The following EPOR variants were observed in gnomAD, a reference collection of about 807,000 sequenced individuals.
EPOR encodes erythropoietin receptor.
In EPOR, 20 loss-of-function variants were observed where a neutral mutation model predicts 34.3. The ratio of observed to expected loss-of-function variants is 0.58; its 90% CI spans 0.41 to 0.85. EPOR has a LOEUF of 0.85. Ranked by LOEUF, EPOR falls within the 40% of genes least tolerant of loss-of-function variation. The probability of loss-of-function intolerance (pLI) is 0.00; values close to 1 mark genes in which losing one functional copy is unlikely to be tolerated. For missense variants in EPOR, 601 were observed against 672.7 expected (o/e 0.89, Z 1.18); for synonymous variants, 312 against 299.0 (o/e 1.04, Z -0.45).
Position 11,383,251 on chromosome 19 carries a change from G to A in EPOR, c.116-19C>T. 6 of 1,579,196 alleles carry A rather than the reference G, an allele frequency of 3.8e-6. No individual in the cohort carries two copies. Among genetic ancestry groups the A allele is most frequent in the South Asian group, 2.3e-5 (2 of 87,290 alleles). ...AAGGCCGCTGGGGAGGGGCGACAAA[G>A]GAAGGGCATGGGGGTCTGAGCTCTA... On this transcript the variant is annotated intron_variant, in intron 1 of 7. Transcript: ENST00000222139. This position sits in a 1 kb window ranked among gnomAD's most constrained non-coding sequence, Gnocchi z 4.9.
Position 11,378,844 on chromosome 19 carries a change from A to G in EPOR, c.828-66T>C. ...TTGAATACTCACCAATTCCCCCTCCACTCCCAGTCATAGAGGCACAGATAC... is the reference window on the plus strand; with the variant it reads ...TTGAATACTCACCAATTCCCCCTCCGCTCCCAGTCATAGAGGCACAGATAC... On this transcript the variant is annotated intron_variant, in intron 6 of 7. Coordinates refer to ENST00000222139, the MANE Select transcript of EPOR (RefSeq NM_000121.4). The surrounding 1 kb of genome is among the most constrained non-coding windows in gnomAD (Gnocchi z 5.3). 6.8e-7 allele frequency: 1 copy of G among 1,474,982 alleles called. No homozygotes were observed. Among genetic ancestry groups the G allele is most frequent in the South Asian group, 1.1e-5 (1 of 87,336 alleles). The allele number at this position is 1,474,982 out of a possible 1,614,324, so 91.4% of individuals were successfully genotyped here.
At chr19:11,382,361 CTTT>C (rs869111819) in intron 2 of EPOR, among the ~76,000 whole-genome samples, 4 of 124,884 alleles carry the variant, frequency 3.2e-5, no homozygotes, top group Non-Finnish European at 3.3e-5. Flanking sequence ...CCACGCCTGG[CTTT>C]TTTTTTTTTT....
rs926770192 is a variant in EPOR at position 11,381,049 on chromosome 19, G to T, written c.739+7C>A. 4 of 1,597,280 alleles carry T rather than the reference G, an allele frequency of 2.5e-6. No individual in the cohort carries two copies. Among genetic ancestry groups the T allele is most frequent in the African/African-American group, 1.3e-5 (1 of 74,624 alleles). On this transcript the variant is annotated splice_region_variant and intron_variant, in intron 5 of 7. Coordinates refer to ENST00000222139, the MANE Select transcript of EPOR (RefSeq NM_000121.4). This position sits in a 1 kb window ranked among gnomAD's most constrained non-coding sequence, Gnocchi z 5.3. ...GGCTCCTCCTACACCCCCGCCTGGG[G>T]CCTCACCGCTAGGCGTCAGCAGCGA...
rs2144694709 is a variant in EPOR, at chr19:11,378,547, G to A, written c.964C>T (p.Pro322Ser). ...DGCLWWSPCT[P>S]FTEDPPASLE... is the part of the protein sequence containing the mutation. The stretch of plus-strand genomic sequence containing the variant: ...GAAGCAGGTGGGTCCTCCGTGAAGG[G>A]GGTGCAGGGGCTCCACCACAGGCAG... The change falls in exon 8 of 8, where the codon CCC becomes TCC. Residue 322 changes from proline (P) to serine (S), a missense_variant. Coordinates refer to ENST00000222139, the MANE Select transcript of EPOR (RefSeq NM_000121.4). The surrounding 1 kb of genome is among the most constrained non-coding windows in gnomAD (Gnocchi z 5.3). The A allele has an allele frequency of 6.2e-7, 1 of 1,614,166 alleles. No individual in the cohort carries two copies. Among genetic ancestry groups the A allele is most frequent in the Non-Finnish European group, 8.5e-7 (1 of 1,180,018 alleles).
In EPOR at chr19:11,383,644, C is replaced by T. The variant is rs112004805; in HGVS notation, c.116-412G>A. On this transcript the variant is annotated intron_variant, in intron 1 of 7. Transcript: ENST00000222139. This position sits in a 1 kb window ranked among gnomAD's most constrained non-coding sequence, Gnocchi z 4.9. ...CCAACCGTGCCCCCCGCCTCCCTCC[C>T]TCCACCGGGCCGGGCAAGTGATCTG... 4.0e-5 allele frequency: 10 copies of T among 247,320 alleles called. 1 individual carries two copies. The highest frequency in any genetic ancestry group is 2.3e-4 in the African/African-American group (10 of 43,218). 15.3% of individuals were successfully genotyped at this position (247,320 alleles called of 1,614,324 possible). A position where few individuals can be genotyped will look rare whatever the true frequency, so the allele number is the denominator to read the frequency against.
chr19:11,378,518 C>T lies in EPOR; in HGVS notation c.993G>A (p.Leu331=). 8 of 1,614,166 alleles carry T rather than the reference C, an allele frequency of 5.0e-6. No homozygotes were observed. Among genetic ancestry groups the T allele is most frequent in the Non-Finnish European group, 6.8e-6 (8 of 1,180,002 alleles). The change falls in exon 8 of 8, where the codon CTG becomes CTA. Residue 331 remains leucine, a synonymous_variant. Transcript: ENST00000222139. This position sits in a 1 kb window ranked among gnomAD's most constrained non-coding sequence, Gnocchi z 5.3. ...CCCAGCAGCGCTCTGAGAGGACTTCCAGGGAAGCAGGTGGGTCCTCCGTGA... is the reference window on the plus strand; with the variant it reads ...CCCAGCAGCGCTCTGAGAGGACTTCTAGGGAAGCAGGTGGGTCCTCCGTGA... ...TPFTEDPPAS[L]EVLSERCWGT...
At chr19:11,382,173 G>C (rs1173754571) in intron 2 of EPOR, 68 bp from the exon 3 acceptor site, 3 of 1,303,734 alleles carry the variant, frequency 2.3e-6, no homozygotes, top group Non-Finnish European at 3.3e-6. Context: ...CGGCCTGTGG[G>C]GGGCAGTGTG....
At position 11,381,149 on chromosome 19, in the gene EPOR, A is replaced by C. The variant is rs1393553623; in HGVS notation, c.646T>G (p.Tyr216Asp). ...VLSNLRGRTR[Y>D]TFAVRARMAE... ...ATACGCGCGCGGACGGCGAAGGTGTAGCGCGTCCGGCCCCGCAGGTTGCTC... is the reference window on the plus strand; with the variant it reads ...ATACGCGCGCGGACGGCGAAGGTGTCGCGCGTCCGGCCCCGCAGGTTGCTC... The change falls in exon 5 of 8, where the codon TAC becomes GAC. Residue 216 changes from tyrosine to aspartate, a missense_variant. Tyr to Asp is a radical substitution (Grantham distance 160). Coordinates refer to ENST00000222139, the MANE Select transcript of EPOR (RefSeq NM_000121.4). The surrounding 1 kb of genome is among the most constrained non-coding windows in gnomAD (Gnocchi z 5.3). 6.4e-7 allele frequency: 1 copy of C among 1,559,238 alleles called. No homozygotes were observed. Among genetic ancestry groups the C allele is most frequent in the Non-Finnish European group, 8.7e-7 (1 of 1,151,896 alleles).
At chr19:11,380,844 G>A (rs1485470482) in intron 6 of EPOR, 40 bp downstream of exon 6, 4 of 1,470,234 alleles carry the variant, frequency 2.7e-6, no homozygotes, top group East Asian at 4.9e-5. Flanking sequence ...GACCGTTGGC[G>A]GGGAGGAGTC....
At position 11,381,315 on chromosome 19, in the gene EPOR, T is replaced by C. The variant is rs1287878088; in HGVS notation, c.586-106A>G. 7.8e-7 allele frequency: 1 copy of C among 1,284,636 alleles called. No individual in the cohort carries two copies. The highest frequency in any genetic ancestry group is 2.0e-5 in the Admixed American group (1 of 50,358). The allele number at this position is 1,284,636 out of a possible 1,614,324, so 79.6% of individuals were successfully genotyped here. A position where few individuals can be genotyped will look rare whatever the true frequency, so the allele number is the denominator to read the frequency against. Reference sequence around the variant, plus strand: ...ATCAGGGGAAAGGAAAACGGTGCCCTAGAATTGCAATGGGACCAATAAGAG... The same window carrying C: ...ATCAGGGGAAAGGAAAACGGTGCCCCAGAATTGCAATGGGACCAATAAGAG... On this transcript the variant is annotated intron_variant, in intron 4 of 7. Transcript: ENST00000222139. This position sits in a 1 kb window ranked among gnomAD's most constrained non-coding sequence, Gnocchi z 5.3.
Position 11,381,805 on chromosome 19 carries a change from C to G in EPOR, c.472G>C (p.Glu158Gln). Residue 158 changes from glutamate (E) to glutamine (Q), a missense_variant, in exon 4 of 8, where the codon GAG (glutamate) becomes CAG (glutamine). By Grantham distance (29) the Glu-to-Gln change is conservative. Coordinates refer to ENST00000222139, the MANE Select transcript of EPOR (RefSeq NM_000121.4). This position sits in a 1 kb window ranked among gnomAD's most constrained non-coding sequence, Gnocchi z 5.3. ...PVGLVARLAD[E>Q]SGHVVLRWLP... is the part of the protein sequence containing the mutation. ...CAGCGCAACACTACGTGGCCGCTCT[C>G]GTCAGCCAACCGCGCCACCAGCCCC... The G allele has an allele frequency of 1.9e-6, 3 of 1,613,826 alleles. 1 individual carries two copies. Among genetic ancestry groups the G allele is most frequent in the South Asian group, 2.2e-5 (2 of 91,078 alleles).
In EPOR at chr19:11,378,216, C is replaced by T. The variant is rs759826375; in HGVS notation, c.1295G>A (p.Ser432Asn). Reference protein sequence around the residue: ...ASFEYTILDPSSQLLRPWTLC... With the variant: ...ASFEYTILDPNSQLLRPWTLC... The stretch of plus-strand genomic sequence containing the variant: ...TGTCCATGGACGCAAGAGCTGGGAG[C>T]TGGGGTCCAGGATAGTGTACTCAAA... The change falls in exon 8 of 8, where the codon AGC becomes AAC. Residue 432 changes from serine (S) to asparagine (N), a missense_variant. Ser to Asn is a conservative substitution (Grantham distance 46). Coordinates refer to ENST00000222139, the MANE Select transcript of EPOR (RefSeq NM_000121.4). The surrounding 1 kb of genome is among the most constrained non-coding windows in gnomAD (Gnocchi z 5.3). 2 of 1,614,104 alleles carry T rather than the reference C, an allele frequency of 1.2e-6. No homozygotes were observed. Among genetic ancestry groups the T allele is most frequent in the South Asian group, 1.1e-5 (1 of 91,084 alleles).
rs1272280949 is a variant in EPOR, at chr19:11,378,934, G to A, written c.828-156C>T. On this transcript the variant is annotated intron_variant, in intron 6 of 7. Coordinates refer to ENST00000222139, the MANE Select transcript of EPOR (RefSeq NM_000121.4). This position sits in a 1 kb window ranked among gnomAD's most constrained non-coding sequence, Gnocchi z 5.3. ...TCAGGGCCAGGGGACAGGGGTTTTG[G>A]CTGAAGCATCAGCAAGGCCCTACAA... Among the ~76,000 whole-genome samples, 1 of 152,180 alleles carries A rather than the reference G, an allele frequency of 6.6e-6. No homozygotes were observed. Among genetic ancestry groups the A allele is most frequent in the Non-Finnish European group, 1.5e-5 (1 of 68,038 alleles).
At position 11,381,701 on chromosome 19, in the gene EPOR, G is replaced by T. The variant is rs773372608; in HGVS notation, c.576C>A (p.Ser192Arg). 1.2e-6 allele frequency: 2 copies of T among 1,606,934 alleles called. No individual in the cohort carries two copies. The highest frequency in any genetic ancestry group is 1.7e-6 in the Non-Finnish European group (2 of 1,177,338). Residue 192 changes from serine to arginine, a missense_variant, in exon 4 of 8, where the codon AGC becomes AGA. Ser to Arg is a moderately radical substitution (Grantham distance 110). Coordinates refer to ENST00000222139, the MANE Select transcript of EPOR (RefSeq NM_000121.4). The surrounding 1 kb of genome is among the most constrained non-coding windows in gnomAD (Gnocchi z 5.3). Reference sequence around the variant, plus strand: ...TAGGGGCTGGCCTCACCCTCTGTACGCTCCCTGCGCCGTTGCCGGCCGAGA... The same window carrying T: ...TAGGGGCTGGCCTCACCCTCTGTACTCTCCCTGCGCCGTTGCCGGCCGAGA... ...VDVSAGNGAGSVQRVEILEGR... is the reference protein window; with the variant it reads ...VDVSAGNGAGRVQRVEILEGR...
In EPOR at chr19:11,383,467, C is replaced by G. The variant is rs894678479; in HGVS notation, c.116-235G>C. 2.1e-6 allele frequency: 1 copy of G among 473,600 alleles called. No homozygotes were observed. The highest frequency in any genetic ancestry group is 2.0e-5 in the African/African-American group (1 of 50,662). 29.3% of individuals were successfully genotyped at this position (473,600 alleles called of 1,614,324 possible). On this transcript the variant is annotated intron_variant, in intron 1 of 7. Coordinates refer to ENST00000222139, the MANE Select transcript of EPOR (RefSeq NM_000121.4). This position sits in a 1 kb window ranked among gnomAD's most constrained non-coding sequence, Gnocchi z 4.9. ...GTCACCACTGGCGCACACCTGCCCACCCAGCGGCCAGCTGAGCTGGGCGCG... is the reference window on the plus strand; with the variant it reads ...GTCACCACTGGCGCACACCTGCCCAGCCAGCGGCCAGCTGAGCTGGGCGCG...
chr19:11,382,726 T>C, intron 2 of EPOR: 2 of 926,138 alleles, frequency 2.2e-6, no homozygotes, highest in East Asian at 1.1e-4. Flanking sequence ...ACTCCTGGGC[T>C]CAAGCGGTTC....
rs1430504650 is a variant in EPOR at position 11,381,243 on chromosome 19, A to G, written c.586-34T>C. The G allele has an allele frequency of 7.1e-6, 11 of 1,547,800 alleles. No homozygotes were observed. The highest frequency in any genetic ancestry group is 9.6e-6 in the Non-Finnish European group (11 of 1,146,314). On this transcript the variant is annotated intron_variant, in intron 4 of 7. Transcript: ENST00000222139. The surrounding 1 kb of genome is among the most constrained non-coding windows in gnomAD (Gnocchi z 5.3). ...GGAATCAGGGCGAGGGACGCGTAGCAGACAAAAATAGATGACGTGGGGGCG... is the reference window on the plus strand; with the variant it reads ...GGAATCAGGGCGAGGGACGCGTAGCGGACAAAAATAGATGACGTGGGGGCG...
chr19:11,382,965 T>C, intron 2 of EPOR, 132 bp downstream of exon 2: 1 of 1,576,178 alleles, frequency 6.3e-7, no homozygotes, highest in South Asian at 1.1e-5. Flanking sequence ...CCCGCAGGTT[T>C]CCCTCCAGTG....
chr19:11,383,021 C>CGAG lies in EPOR; in HGVS notation c.251+73_251+75dup. The CGAG allele has an allele frequency of 6.2e-7, 1 of 1,607,790 alleles. No homozygotes were observed. The highest frequency in any genetic ancestry group is 8.5e-7 in the Non-Finnish European group (1 of 1,179,418). On this transcript the variant is annotated intron_variant, in intron 2 of 7. Coordinates refer to ENST00000222139, the MANE Select transcript of EPOR (RefSeq NM_000121.4). The surrounding 1 kb of genome is among the most constrained non-coding windows in gnomAD (Gnocchi z 4.9). Reference sequence around the variant, plus strand: ...CGGGCCTCAAACAGCAGGGGACATACGAGGCTACGACCTCCAGGGAGCTCT... The same window carrying CGAG: ...CGGGCCTCAAACAGCAGGGGACATACGAGGAGGCTACGACCTCCAGGGAGCTCT...
Sources: gnomAD v4.1 joint callset for allele counts (sites outside exome capture counted in the v4.1 genomes callset) on GRCh38, gnomAD v4.1.1 for gene constraint, Gnocchi (gnomAD v3.1) non-coding constraint, MANE v1.5 for transcripts, NCBI Gene and HGNC (gene_info 2026-07-23, HGNC 2026-07-21) for gene names.